Variants in USP9Y observed in about 807,000 individuals in gnomAD.
USP9Y encodes ubiquitin carboxyl-terminal hydrolase 9Y.
USP9Y carries 41 observed loss-of-function variants against 53.1 expected under a neutral mutation model. That is an observed-to-expected ratio of 0.77 (90% CI 0.60 to 1.00). USP9Y has a LOEUF of 1.00. USP9Y is among the 50% of genes least tolerant of loss of function. The pLI is 0.00. For missense variants in USP9Y, 567 were observed against 535.8 expected, an observed-to-expected ratio of 1.06 and a Z score of -0.58; for synonymous variants, 220 against 173.7, an observed-to-expected ratio of 1.27 and a Z score of -2.09.
chrY:12,834,398 C>CA (rs780889090), intron 34 of USP9Y, among the ~76,000 whole-genome samples: 8 of 28,260 alleles, frequency 2.8e-4, no homozygotes, highest in South Asian at 7.9e-4. Context: ...AGCTACTCTT[C>CA]AAAAAAAAAA....
In USP9Y at chrY:12,705,770, C is replaced by A. The variant is rs544622145; in HGVS notation, c.-120-2864C>A. 6.6e-3 allele frequency among the ~76,000 whole-genome samples: 217 copies of A among 32,632 alleles called. No individual in the cohort carries two copies. In the Middle Eastern group the frequency reaches 0.22, roughly 33 times the overall value. The allele number at this position is 32,632 out of a possible 37,273, so 87.5% of individuals were successfully genotyped here. ...TGTGGTTATTATATGCATGAAATAT[C>A]CTTCTCCATTTTTTCACTTTGAAGC... is the stretch of plus-strand genomic sequence containing the variant. On this transcript the variant is annotated intron_variant, in intron 1 of 45. Coordinates refer to ENST00000338981, the MANE Select transcript of USP9Y (RefSeq NM_004654.4).
At chrY:12,853,361 C>T in intron 42 of USP9Y, among the ~76,000 whole-genome samples, 1 of 34,085 alleles carries the variant, frequency 2.9e-5, no homozygotes, top group Non-Finnish European at 7.3e-5. Context: ...AGAGAATCTC[C>T]TTGTCTGCTG....
intron 5 of USP9Y, among the ~76,000 whole-genome samples, chrY:12,723,578 C>T: frequency 3.3e-5 from 1 of 30,107 alleles, no homozygotes; most frequent in Non-Finnish European, 8.0e-5. Context: ...TTAGTAGAGA[C>T]GGGGTTTCAC....
intron 27 of USP9Y, among the ~76,000 whole-genome samples, chrY:12,806,384 AT>A (rs2053524454): frequency 3.0e-5 from 1 of 33,625 alleles, no homozygotes; most frequent in Non-Finnish European, 7.4e-5. Context: ...CACAGTGTCC[AT>A]TAAAATGGAT....
At chrY:12,715,454 A>AAT (rs2053429717) in intron 3 of USP9Y, among the ~76,000 whole-genome samples, 2 of 30,847 alleles carry the variant, frequency 6.5e-5, no homozygotes, top group Non-Finnish European at 1.6e-4. Context: ...AGTAGCTGGG[A>AAT]ATACAAGCAC....
chrY:12,730,183 G>A, intron 7 of USP9Y, among the ~76,000 whole-genome samples: 1 of 32,960 alleles, frequency 3.0e-5, no homozygotes, highest in Middle Eastern at 0.014. Context: ...GATGACAAGT[G>A]ATCCTCCCAC....
Position 12,859,493 on chromosome Y carries a change from T to C in USP9Y, c.*77T>C. 1 of 339,330 alleles carries C rather than the reference T, an allele frequency of 2.9e-6. No individual in the cohort carries two copies. Among genetic ancestry groups the C allele is most frequent in the Non-Finnish European group, 4.3e-6 (1 of 231,501 alleles). The allele number at this position is 339,330 out of a possible 400,897, so 84.6% of individuals were successfully genotyped here. A position where few individuals can be genotyped will look rare whatever the true frequency, so the allele number is the denominator to read the frequency against. ...CCAAACTTTCTCTGTGTCTGGCTAG[T>C]ATTGAAAACTAGATAAACTGCTCCA... On this transcript the variant is annotated 3_prime_UTR_variant, in exon 46 of 46. Coordinates refer to ENST00000338981, the MANE Select transcript of USP9Y (RefSeq NM_004654.4).
rs556861623 is a variant in USP9Y at position 12,860,156 on chromosome Y, A to G, written c.*740A>G. 1 of 33,589 alleles carries G rather than the reference A, an allele frequency of 3.0e-5. No individual in the cohort carries two copies. The highest frequency in any genetic ancestry group is 6.5e-4 in the South Asian group (1 of 1,545). 8.4% of individuals were successfully genotyped at this position (33,589 alleles called of 400,897 possible). On this transcript the variant is annotated 3_prime_UTR_variant, in exon 46 of 46. Coordinates refer to ENST00000338981, the MANE Select transcript of USP9Y (RefSeq NM_004654.4). ...TATTTCTTATACCTAGAATAAATAT[A>G]AAATGGGGGAAAAATGTGACAGACA...
intron 42 of USP9Y, among the ~76,000 whole-genome samples, chrY:12,847,996 A>T (rs866986785): frequency 8.8e-3 from 294 of 33,423 alleles, no homozygotes; most frequent in Middle Eastern, 0.04. Context: ...TATACGCAGT[A>T]ATGGGATCAG....
At chrY:12,814,809 GT>G in intron 31 of USP9Y, among the ~76,000 whole-genome samples, 2 of 33,220 alleles carry the variant, frequency 6.0e-5, no homozygotes, top group Non-Finnish European at 1.5e-4. Flanking sequence ...GTATAATTCT[GT>G]TTTTTAGCTA....
At chrY:12,808,828 C>T (rs886722178) in intron 27 of USP9Y, among the ~76,000 whole-genome samples, 14 of 33,566 alleles carry the variant, frequency 4.2e-4, no homozygotes, top group Non-Finnish European at 9.6e-4. Flanking sequence ...GTAAGATTAT[C>T]GATTCCATAT....
At chrY:12,821,814 C>G (rs1043785677) in intron 33 of USP9Y, among the ~76,000 whole-genome samples, 1 of 31,963 alleles carries the variant, frequency 3.1e-5, no homozygotes, top group African/African-American at 1.2e-4. Flanking sequence ...CACTCCACCA[C>G]AGCTGATTTT....
At chrY:12,744,633 C>A (rs2148282646) in intron 12 of USP9Y, among the ~76,000 whole-genome samples, 4 of 33,778 alleles carry the variant, frequency 1.2e-4, no homozygotes, top group Admixed American at 1.1e-3. Flanking sequence ...TGGTTTAAGG[C>A]ACTCAGATGA....
chrY:12,808,594 T>C (rs767828466), intron 27 of USP9Y, among the ~76,000 whole-genome samples: 1 of 33,644 alleles, frequency 3.0e-5, no homozygotes, highest in East Asian at 7.8e-4. Context: ...TTGGAGGGTT[T>C]GAAAGTGTCT....
Position 12,847,156 on chromosome Y carries a change from G to A in USP9Y, c.6975+3G>A. 1 of 393,698 alleles carries A rather than the reference G, an allele frequency of 2.5e-6. No homozygotes were observed. Among genetic ancestry groups the A allele is most frequent in the Admixed American group, 7.4e-5 (1 of 13,454 alleles). On this transcript the variant is annotated splice_donor_region_variant and intron_variant, in intron 41 of 45. Transcript: ENST00000338981. ...TCCTCAGCGAACTTCTCTGGCAGGT[G>A]AAAGAAAAATAAACATTTATATATC...
intron 35 of USP9Y, among the ~76,000 whole-genome samples, chrY:12,838,551 G>A (rs1044573393): frequency 6.4e-5 from 2 of 31,447 alleles, no homozygotes; most frequent in African/African-American, 2.5e-4. Flanking sequence ...GTGTGATCTC[G>A]GCTCACTGCA....
chrY:12,842,976 G>T, intron 38 of USP9Y, 88 bp from the exon 39 acceptor site: 1 of 298,343 alleles, frequency 3.4e-6, no homozygotes, highest in Non-Finnish European at 4.9e-6. Context: ...TGAAAGATTT[G>T]CTCCGTATAG....
intron 5 of USP9Y, among the ~76,000 whole-genome samples, chrY:12,724,172 C>T: frequency 8.9e-5 from 3 of 33,680 alleles, no homozygotes; most frequent in Non-Finnish European, 1.5e-4. Context: ...ATTCTGAGAT[C>T]GTGATTACTG....
chrY:12,736,063 T>C lies in USP9Y; in HGVS notation c.839T>C (p.Ile280Thr). The C allele has an allele frequency of 7.5e-6, 3 of 397,669 alleles. No individual in the cohort carries two copies. Among genetic ancestry groups the C allele is most frequent in the Non-Finnish European group, 1.1e-5 (3 of 282,757 alleles). The change falls in exon 9 of 46, where the codon ATA becomes ACA. Residue 280 changes from isoleucine (I) to threonine (T), a missense_variant. By Grantham distance (89) the Ile-to-Thr change is moderately conservative (BLOSUM62 -1). Coordinates refer to ENST00000338981, the MANE Select transcript of USP9Y (RefSeq NM_004654.4). ...CTGAAAAAGTACTTCATTCCAGTTA[T>C]AGAAATAGTTCCACATTTATTGGAA... ...HTLKKYFIPVIEIVPHLLENL... is the reference protein window; with the variant it reads ...HTLKKYFIPVTEIVPHLLENL...
Sources: allele counts gnomAD v4.1 joint callset (sites outside exome capture counted in the v4.1 genomes callset), GRCh38; gene constraint gnomAD v4.1.1; transcripts MANE v1.5; gene names NCBI Gene and HGNC (gene_info 2026-07-23, HGNC 2026-07-21).